Variants in NRCAM observed in about 807,000 individuals in gnomAD.
The protein encoded by NRCAM is NgCAM-related cell adhesion molecule.
In NRCAM, 83 loss-of-function variants were observed where a neutral mutation model predicts 156.5. The ratio of observed to expected loss-of-function variants is 0.53; its 90% confidence interval spans 0.44 to 0.64. The LOEUF (loss-of-function observed/expected upper bound fraction) is 0.64, where lower values mean the gene tolerates loss of function less well. NRCAM is among the 30% of genes least tolerant of loss of function. The probability of loss-of-function intolerance (pLI) is 0.00; values close to 1 mark genes in which losing one functional copy is unlikely to be tolerated. For missense variants in NRCAM, 1,417 were observed against 1,597.3 expected (o/e 0.89, Z 1.92); for synonymous variants, 538 against 563.9 (o/e 0.95, Z 0.65).
chr7:108,353,954 T>C (rs2099454839), intron 2 of NRCAM, among the ~76,000 whole-genome samples: 1 of 152,242 alleles, frequency 6.6e-6, no homozygotes, highest in African/African-American at 2.4e-5. Flanking sequence ...CCAAGTGTGA[T>C]GTTGGATTGG....
chr7:108,234,847 T>C, intron 5 of NRCAM, 159 bp from the exon 6 acceptor site: 1 of 761,854 alleles, frequency 1.3e-6, no homozygotes, highest in Non-Finnish European at 2.4e-6. Flanking sequence ...TAGATTTTTC[T>C]GCTAAAGGTC....
chr7:108,165,350 G>T (rs1489056485), intron 30 of NRCAM, among the ~76,000 whole-genome samples: 2 of 152,112 alleles, frequency 1.3e-5, no homozygotes, highest in Non-Finnish European at 2.9e-5. Flanking sequence ...TGACTTGAGG[G>T]GTAAGTGGAG....
At chr7:108,450,768 T>C (rs1849377792) in intron 1 of NRCAM, among the ~76,000 whole-genome samples, 1 of 152,230 alleles carries the variant, frequency 6.6e-6, no homozygotes, top group Non-Finnish European at 1.5e-5. Flanking sequence ...ACAACACATA[T>C]GCTCCACAAC....
chr7:108,293,552 T>G (rs1003725116), intron 3 of NRCAM, among the ~76,000 whole-genome samples: 2 of 152,216 alleles, frequency 1.3e-5, no homozygotes, highest in Non-Finnish European at 2.9e-5. Flanking sequence ...GAAGTCTAAG[T>G]GCAGGCAGTA....
At chr7:108,219,284 A>G (rs2091184212) in intron 11 of NRCAM, among the ~76,000 whole-genome samples, 1 of 152,222 alleles carries the variant, frequency 6.6e-6, no homozygotes, top group Non-Finnish European at 1.5e-5. Context: ...CATTCAAAGA[A>G]GAATTGGTAC....
intron 3 of NRCAM, among the ~76,000 whole-genome samples, chr7:108,301,404 C>A (rs2098607940): frequency 6.6e-6 from 1 of 152,178 alleles, no homozygotes; most frequent in Non-Finnish European, 1.5e-5. Flanking sequence ...ATGACCTACA[C>A]AGATTTCTAG....
chr7:108,158,889 G>A (rs2047108620), intron 32 of NRCAM, among the ~76,000 whole-genome samples: 1 of 152,048 alleles, frequency 6.6e-6, no homozygotes, highest in Admixed American at 6.6e-5. Context: ...CCTTAATGAT[G>A]GAGTCAAGCC....
At chr7:108,259,866 C>T (rs2096827407) in intron 3 of NRCAM, among the ~76,000 whole-genome samples, 1 of 152,110 alleles carries the variant, frequency 6.6e-6, no homozygotes, top group African/African-American at 2.4e-5. Flanking sequence ...GAGAGAGCAT[C>T]AGGATGAATA....
intron 15 of NRCAM, among the ~76,000 whole-genome samples, chr7:108,195,405 T>C (rs393245): frequency 0.71 from 107,428 of 151,880 alleles, 39,286 homozygotes; most frequent in East Asian, 0.88. Context: ...GGGCGGATAA[T>C]CTGAGGTTAC....
chr7:108,454,607 T>C (rs1598706138), intron 1 of NRCAM, among the ~76,000 whole-genome samples: 1 of 152,344 alleles, frequency 6.6e-6, no homozygotes, highest in South Asian at 2.1e-4. Flanking sequence ...CTTCAGCAAG[T>C]ACTGCCATTA....
chr7:108,345,119 T>C (rs764365954), intron 2 of NRCAM, among the ~76,000 whole-genome samples: 6 of 152,220 alleles, frequency 3.9e-5, no homozygotes, highest in Non-Finnish European at 5.9e-5. Flanking sequence ...ATGAAGTGAA[T>C]TCAAATAGGA....
At chr7:108,196,271 C>G (rs2075027180) in intron 14 of NRCAM, among the ~76,000 whole-genome samples, 1 of 152,208 alleles carries the variant, frequency 6.6e-6, no homozygotes, top group Middle Eastern at 3.4e-3. Flanking sequence ...CAGAAAAAAG[C>G]AGAGTGATGA....
chr7:108,398,354 C>T (rs746050706), intron 2 of NRCAM, among the ~76,000 whole-genome samples: 44 of 152,124 alleles, frequency 2.9e-4, no homozygotes, highest in Non-Finnish European at 6.2e-4. Flanking sequence ...TTTCTCTATT[C>T]GATGCTGCTT....
chr7:108,254,639 C>A (rs2096542539), intron 3 of NRCAM, among the ~76,000 whole-genome samples: 1 of 149,226 alleles, frequency 6.7e-6, no homozygotes, highest in Non-Finnish European at 1.5e-5. Context: ...CCTCTGTCTC[C>A]TGGGCTCAAA....
chr7:108,261,449 T>C (rs2096885078), intron 3 of NRCAM, among the ~76,000 whole-genome samples: 1 of 152,232 alleles, frequency 6.6e-6, no homozygotes, highest in African/African-American at 2.4e-5. Context: ...AATTAGCAAA[T>C]GTTATTGCTG....
At chr7:108,339,597 G>T (rs576070577) in intron 2 of NRCAM, among the ~76,000 whole-genome samples, 1 of 152,218 alleles carries the variant, frequency 6.6e-6, no homozygotes, top group African/African-American at 2.4e-5. Context: ...CCAGCAGTCC[G>T]AACCCCTTTC....
At chr7:108,282,816 C>T (rs968754774) in intron 3 of NRCAM, among the ~76,000 whole-genome samples, 18 of 152,196 alleles carry the variant, frequency 1.2e-4, no homozygotes, top group Non-Finnish European at 2.6e-4. Flanking sequence ...AAAGACACGA[C>T]CTTCAAATGC....
rs558177869 is a variant in NRCAM at position 108,151,189 on chromosome 7, A to G, written c.3678-1042T>C. On this transcript the variant is annotated intron_variant, in intron 32 of 32. Transcript: ENST00000379028. ...GTCAAATACCTAGTTATGCATATTG[A>G]CCTATTTTTTAATAGGTAACATTTG... Among the ~76,000 whole-genome samples the G allele has an allele frequency of 8.5e-5, 13 of 152,256 alleles. No homozygotes were observed. In the East Asian group the frequency reaches 2.3e-3, roughly 27 times the overall value.
chr7:108,194,161 C>T lies in NRCAM; in HGVS notation c.1641G>A (p.Trp547Ter). The change falls in exon 17 of 33, where the codon TGG (tryptophan) becomes TGA (stop). Residue 547 changes from tryptophan to a stop codon, truncating the protein, a stop_gained. Coordinates refer to ENST00000379028, the MANE Select transcript of NRCAM (RefSeq NM_001037132.4). LOFTEE classifies it high-confidence loss of function. ...EVHLEIKDPT[W>*]IVKQPEYAVV... ...CTGCATATTCGGGCTGTTTAACGAT[C>T]CATGTAGGATCTGAAATGTAGAGTC... The T allele has an allele frequency of 6.2e-7, 1 of 1,613,998 alleles. No homozygotes were observed. The highest frequency in any genetic ancestry group is 8.5e-7 in the Non-Finnish European group (1 of 1,179,864).
Sources: gnomAD v4.1 joint callset for allele counts (sites outside exome capture counted in the v4.1 genomes callset) on GRCh38, gnomAD v4.1.1 for gene constraint, MANE v1.5 for transcripts, NCBI Gene and HGNC (gene_info 2026-07-23, HGNC 2026-07-21) for gene names.